SLC10A6: variants seen among roughly 807,000 people sequenced by gnomAD.
SLC10A6 encodes the protein sodium-dependent organic anion transporter.
Under a neutral mutation model 30.0 loss-of-function variants are expected in SLC10A6, and 27 were observed. That is an observed-to-expected ratio of 0.90 (90% CI 0.66 to 1.24). SLC10A6 has a LOEUF of 1.24. Among genes scored for constraint, SLC10A6 ranks in the 50% most tolerant of loss-of-function variants. The pLI, the probability that SLC10A6 is intolerant of heterozygous loss-of-function variation, is 0.00. For synonymous variants in SLC10A6, 166 were observed against 173.8 expected (o/e 0.95, Z 0.36); for missense variants, 439 against 457.0 (o/e 0.96, Z 0.36).
chr4:86,838,871 C>T (rs1441969963), intron 1 of SLC10A6, among the ~76,000 whole-genome samples: 7 of 138,450 alleles, frequency 5.1e-5, no homozygotes, highest in Non-Finnish European at 1.1e-4. Context: ...TGCAGTGAGC[C>T]GAGATCATGC....
intron 4 of SLC10A6, among the ~76,000 whole-genome samples, chr4:86,827,696 GA>G (rs1746019283): frequency 6.6e-6 from 1 of 152,122 alleles, no homozygotes; most frequent in African/African-American, 2.4e-5. Context: ...TTGATGCATA[GA>G]ATTCTTTTTG....
intron 1 of SLC10A6, chr4:86,837,690 C>T (rs1260535505): frequency 2.5e-5 from 23 of 902,202 alleles, no homozygotes; most frequent in Non-Finnish European, 3.0e-5. Flanking sequence ...TGAAAGAATG[C>T]ATTAGTAAAA....
intron 3 of SLC10A6, among the ~76,000 whole-genome samples, chr4:86,830,148 C>T (rs775334691): frequency 6.6e-6 from 1 of 152,178 alleles, no homozygotes; most frequent in Non-Finnish European, 1.5e-5. Flanking sequence ...GTGATCCCAA[C>T]ACTTTGGGAG....
At chr4:86,827,168 A>G (rs937461233) in intron 4 of SLC10A6, among the ~76,000 whole-genome samples, 2 of 152,290 alleles carry the variant, frequency 1.3e-5, no homozygotes, top group East Asian at 1.9e-4. Flanking sequence ...TGTGGACTAC[A>G]TCTTGCCATA....
intron 1 of SLC10A6, among the ~76,000 whole-genome samples, chr4:86,837,863 G>C (rs1285826997): frequency 6.6e-6 from 1 of 152,224 alleles, no homozygotes; most frequent in Non-Finnish European, 1.5e-5. Context: ...CTGACAGACT[G>C]AGAAGCAGAC....
intron 1 of SLC10A6, among the ~76,000 whole-genome samples, chr4:86,834,154 G>T (rs536870888): frequency 6.6e-6 from 1 of 152,132 alleles, no homozygotes; most frequent in Non-Finnish European, 1.5e-5. Context: ...TGCCATTCTC[G>T]TGGGATTCAC....
intron 1 of SLC10A6, among the ~76,000 whole-genome samples, chr4:86,840,198 C>T (rs1746267871): frequency 6.6e-6 from 1 of 151,934 alleles, no homozygotes. Flanking sequence ...GGATTACAGG[C>T]GTGAGCCACT....
chr4:86,835,702 A>G (rs897950230), intron 1 of SLC10A6, among the ~76,000 whole-genome samples: 1 of 150,956 alleles, frequency 6.6e-6, no homozygotes, highest in Non-Finnish European at 1.5e-5. Context: ...AAAAGACACA[A>G]GAAAAGAAGA....
intron 1 of SLC10A6, among the ~76,000 whole-genome samples, chr4:86,834,684 G>A (rs1340087468): frequency 6.6e-6 from 1 of 152,144 alleles, no homozygotes; most frequent in Non-Finnish European, 1.5e-5. Context: ...CTGGTACCAA[G>A]GGGATTGGAA....
intron 1 of SLC10A6, among the ~76,000 whole-genome samples, chr4:86,846,727 A>T (rs1364847497): frequency 6.6e-6 from 1 of 152,158 alleles, no homozygotes; most frequent in East Asian, 1.9e-4. Flanking sequence ...ACTCCACCCC[A>T]AACTATTATC....
intron 1 of SLC10A6, 87 bp downstream of exon 1, chr4:86,848,652 T>A: frequency 7.0e-7 from 1 of 1,430,028 alleles, no homozygotes; most frequent in Non-Finnish European, 9.4e-7. Flanking sequence ...TACCAAAAGA[T>A]TAGAAGAGTG....
intron 1 of SLC10A6, among the ~76,000 whole-genome samples, chr4:86,839,610 C>A (rs566829854): frequency 3.3e-5 from 5 of 152,214 alleles, no homozygotes; most frequent in African/African-American, 9.6e-5. Context: ...GCCATAATTT[C>A]TTCAATCACT....
chr4:86,837,724 AAGAAGATACCCATC>A, intron 1 of SLC10A6: 1 of 622,642 alleles, frequency 1.6e-6, no homozygotes, highest in Non-Finnish European at 2.0e-6. Flanking sequence ...AATAAATGGA[AAGAAGATACCCATC>A]AGACCAGTCA....
intron 3 of SLC10A6, among the ~76,000 whole-genome samples, chr4:86,829,033 C>T (rs868059385): frequency 6.6e-6 from 1 of 152,034 alleles, no homozygotes; most frequent in African/African-American, 2.4e-5. Flanking sequence ...ACCCAATATA[C>T]CATAAATGTG....
intron 1 of SLC10A6, among the ~76,000 whole-genome samples, chr4:86,844,582 C>T (rs1746361673): frequency 6.6e-6 from 1 of 152,198 alleles, no homozygotes; most frequent in Admixed American, 6.5e-5. Context: ...TTCAAAAGAC[C>T]TTTTCTGCTT....
chr4:86,835,136 G>T (rs116590991), intron 1 of SLC10A6, among the ~76,000 whole-genome samples: 30 of 152,258 alleles, frequency 2.0e-4, no homozygotes, highest in Non-Finnish European at 3.7e-4. Context: ...CTGACTGAAC[G>T]CCTGCCCAGT....
chr4:86,848,624 A>G (rs1395420629), intron 1 of SLC10A6, 115 bp downstream of exon 1: 1 of 1,331,232 alleles, frequency 7.5e-7, no homozygotes, highest in Non-Finnish European at 1.0e-6. Flanking sequence ...TATTTGTAAC[A>G]TTTCCCACTA....
Position 86,842,795 on chromosome 4 carries a change from TTTCTTTCTTTCTTTCTTTCTTTCTTTC to T in SLC10A6, c.377+5917_377+5943del, listed in dbSNP as rs1746314779. Among the ~76,000 whole-genome samples, 9 of 4,340 alleles carry T rather than the reference TTTCTTTCTTTCTTTCTTTCTTTCTTTC, an allele frequency of 2.1e-3. 1 individual carries two copies. In the South Asian group the frequency reaches 0.053, roughly 26 times the overall value. The allele number at this position is 4,340 out of a possible 152,430, so 2.8% of individuals were successfully genotyped here. A position where few individuals can be genotyped will look rare whatever the true frequency, so the allele number is the denominator to read the frequency against. On this transcript the variant is annotated intron_variant, in intron 1 of 5. Coordinates refer to ENST00000273905, the MANE Select transcript of SLC10A6 (RefSeq NM_197965.3). ...AATAAATGGACACCTCTTTTCTTTC[TTTCTTTCTTTCTTTCTTTCTTTCTTTC>T]TTTCTTTCTTTCTTTCTTTCTTTCT...
At chr4:86,848,374 C>T (rs1746427234) in intron 1 of SLC10A6, among the ~76,000 whole-genome samples, 1 of 152,144 alleles carries the variant, frequency 6.6e-6, no homozygotes, top group Non-Finnish European at 1.5e-5. Context: ...TGCTACCAAA[C>T]CACAATCGTT....
Sources: allele counts gnomAD v4.1 joint callset (sites outside exome capture counted in the v4.1 genomes callset), GRCh38; gene constraint gnomAD v4.1.1; transcripts MANE v1.5; gene names NCBI Gene and HGNC (gene_info 2026-07-23, HGNC 2026-07-21).